The following ATP13A5 variants were observed in gnomAD, a reference collection of about 807,000 sequenced individuals.
The protein encoded by ATP13A5 is probable cation-transporting ATPase 13A5.
ATP13A5 carries 149 observed loss-of-function variants against 150.2 expected under a neutral mutation model. The ratio of observed to expected loss-of-function variants is 0.99; its 90% CI spans 0.87 to 1.14. The LOEUF (loss-of-function observed/expected upper bound fraction) is 1.14, where lower values mean the gene tolerates loss of function less well. ATP13A5 is among the 50% of genes most tolerant of loss of function. The probability of loss-of-function intolerance (pLI) is 0.00; values close to 1 mark genes in which losing one functional copy is unlikely to be tolerated. For missense variants in ATP13A5, 1,383 were observed against 1,449.3 expected (o/e 0.95, Z 0.74); for synonymous variants, 497 against 522.2 (o/e 0.95, Z 0.66).
At chr3:193,352,814 T>C (rs1712616611) in intron 6 of ATP13A5, among the ~76,000 whole-genome samples, 1 of 152,178 alleles carries the variant, frequency 6.6e-6, no homozygotes, top group Non-Finnish European at 1.5e-5. Flanking sequence ...TAAAAAGATA[T>C]GTCCATGTTC....
In ATP13A5 at chr3:193,363,097, C is replaced by T. The variant is rs999192263; in HGVS notation, c.384+139G>A. The T allele has an allele frequency of 4.1e-5, 44 of 1,086,000 alleles. 1 individual carries two copies. Among genetic ancestry groups the T allele is most frequent in the Non-Finnish European group, 5.6e-5 (43 of 774,300 alleles). 67.3% of individuals were successfully genotyped at this position (1,086,000 alleles called of 1,614,324 possible). A position where few individuals can be genotyped will look rare whatever the true frequency, so the allele number is the denominator to read the frequency against. ...GGATTACAGACGTGAACGACCATGCCCAGCCAGTCTCACTTTCTTTGATAC... is the reference window on the plus strand; with the variant it reads ...GGATTACAGACGTGAACGACCATGCTCAGCCAGTCTCACTTTCTTTGATAC... On this transcript the variant is annotated intron_variant, in intron 3 of 29. Transcript: ENST00000342358.
intron 6 of ATP13A5, among the ~76,000 whole-genome samples, chr3:193,352,692 A>T (rs1031303713): frequency 6.6e-6 from 1 of 152,202 alleles, no homozygotes; most frequent in African/African-American, 2.4e-5. Context: ...AAATCTTTGT[A>T]TGTTCCACCC....
At chr3:193,333,106 CCCA>C (rs1451236558) in intron 11 of ATP13A5, among the ~76,000 whole-genome samples, 5 of 151,698 alleles carry the variant, frequency 3.3e-5, no homozygotes, top group Non-Finnish European at 4.4e-5. Context: ...TATGTCTTTT[CCCA>C]CCAATATTCA....
intron 17 of ATP13A5, among the ~76,000 whole-genome samples, chr3:193,318,244 A>T (rs1719125628): frequency 6.6e-6 from 1 of 152,222 alleles, no homozygotes; most frequent in Non-Finnish European, 1.5e-5. Flanking sequence ...ACTATTTTAC[A>T]TGAAGGAGCT....
At chr3:193,327,269 G>A (rs1015861312) in intron 12 of ATP13A5, among the ~76,000 whole-genome samples, 5 of 152,132 alleles carry the variant, frequency 3.3e-5, no homozygotes, top group African/African-American at 1.2e-4. Flanking sequence ...TCGATAATTA[G>A]GTGATTTCAG....
chr3:193,284,213 C>T (rs1717623655), intron 27 of ATP13A5, among the ~76,000 whole-genome samples: 1 of 151,672 alleles, frequency 6.6e-6, no homozygotes. Flanking sequence ...TTTTTAGAGA[C>T]AAGGTCTCAC....
chr3:193,306,183 A>G (rs28530690), intron 22 of ATP13A5, among the ~76,000 whole-genome samples: 53,058 of 148,710 alleles, frequency 0.36, 9,838 homozygotes, highest in East Asian at 0.61. Flanking sequence ...CGCCATGAGT[A>G]CATACTAGAT....
At chr3:193,347,086 A>G (rs979525806) in intron 7 of ATP13A5, among the ~76,000 whole-genome samples, 1 of 152,200 alleles carries the variant, frequency 6.6e-6, no homozygotes, top group Non-Finnish European at 1.5e-5. Flanking sequence ...CTTTCAAGTT[A>G]TACCTTCAAG....
intron 9 of ATP13A5, among the ~76,000 whole-genome samples, chr3:193,342,501 T>C (rs1435023588): frequency 6.6e-6 from 1 of 152,232 alleles, no homozygotes; most frequent in Non-Finnish European, 1.5e-5. Flanking sequence ...CTGGCCTCTA[T>C]CGGTACTTAA....
intron 7 of ATP13A5, among the ~76,000 whole-genome samples, chr3:193,348,496 A>C (rs372309743): frequency 4.6e-5 from 7 of 152,296 alleles, no homozygotes; most frequent in African/African-American, 1.7e-4. Flanking sequence ...AGTTCAATGC[A>C]AATACAGTTG....
At chr3:193,297,817 G>T (rs1261076612) in intron 25 of ATP13A5, among the ~76,000 whole-genome samples, 3 of 152,080 alleles carry the variant, frequency 2.0e-5, no homozygotes, top group Admixed American at 1.3e-4. Flanking sequence ...AATTAAGTGT[G>T]CAAAAGCTCC....
chr3:193,367,995 G>T (rs1322509959), intron 1 of ATP13A5, among the ~76,000 whole-genome samples: 1 of 150,912 alleles, frequency 6.6e-6, no homozygotes, highest in Non-Finnish European at 1.5e-5. Context: ...GGAAAGGGAA[G>T]GGGAGGGGAG....
At chr3:193,325,108 G>T in intron 13 of ATP13A5, 94 bp from the exon 14 acceptor site, 2 of 1,283,676 alleles carry the variant, frequency 1.6e-6, no homozygotes, top group Non-Finnish European at 2.2e-6. Flanking sequence ...AACACCTAAC[G>T]TTCATGCTCA....
rs869060534 is a variant in ATP13A5, at chr3:193,352,493, G to GT, written c.607-1293dup. ...AAATGTAGAGAAATAGTTGTACTTG[G>GT]TTTTTTTTTTCTTTCTACTAAAGGG... On this transcript the variant is annotated intron_variant, in intron 6 of 29. Transcript: ENST00000342358. 1.8e-3 allele frequency among the ~76,000 whole-genome samples: 69 copies of GT among 38,288 alleles called. No homozygotes were observed. In the East Asian group the frequency reaches 0.022, roughly 12 times the overall value. The allele number at this position is 38,288 out of a possible 152,430, so 25.1% of individuals were successfully genotyped here.
chr3:193,303,043 G>T (rs1718465733), intron 23 of ATP13A5, among the ~76,000 whole-genome samples: 1 of 152,190 alleles, frequency 6.6e-6, no homozygotes, highest in Non-Finnish European at 1.5e-5. Context: ...AAGTTCGAAT[G>T]CCACTGCATG....
intron 7 of ATP13A5, among the ~76,000 whole-genome samples, chr3:193,346,040 C>T (rs1388834153): frequency 6.6e-6 from 1 of 152,118 alleles, no homozygotes; most frequent in Non-Finnish European, 1.5e-5. Flanking sequence ...GGGAGTTATG[C>T]TGTTAAGTCG....
In ATP13A5 at chr3:193,310,747, G is replaced by T. The variant is rs772903218; in HGVS notation, c.2446-30C>A. ...AAAGAAAAAACAACCATTGCAATAT[G>T]ATTGGGAAGAAGAAAACTTTTAAAA... is the stretch of plus-strand genomic sequence containing the variant. On this transcript the variant is annotated intron_variant, in intron 20 of 29. Coordinates refer to ENST00000342358, the MANE Select transcript of ATP13A5 (RefSeq NM_198505.4). 3.9e-6 allele frequency: 6 copies of T among 1,539,426 alleles called. No homozygotes were observed. In the Middle Eastern group the frequency reaches 5.2e-4, roughly 133 times the overall value.
rs1042498911 is a variant in ATP13A5 at position 193,368,056 on chromosome 3, G to A, written c.64-3776C>T. Reference sequence around the variant, plus strand: ...ATTGAAAACAAGAACTAAACTCTATGTGTAGATAATGTGGAAAAATATCCA... The same window carrying A: ...ATTGAAAACAAGAACTAAACTCTATATGTAGATAATGTGGAAAAATATCCA... On this transcript the variant is annotated intron_variant, in intron 1 of 29. Coordinates refer to ENST00000342358, the MANE Select transcript of ATP13A5 (RefSeq NM_198505.4). 2.0e-5 allele frequency among the ~76,000 whole-genome samples: 3 copies of A among 152,002 alleles called. No homozygotes were observed. The East Asian group carries it at 5.8e-4, about 29-fold the overall frequency.
At chr3:193,309,657 G>C (rs919335901) in intron 21 of ATP13A5, among the ~76,000 whole-genome samples, 2 of 152,088 alleles carry the variant, frequency 1.3e-5, no homozygotes, top group Non-Finnish European at 2.9e-5. Context: ...TTGCTTGCTT[G>C]CTCTTTTAGA....
Sources: gnomAD v4.1 joint callset for allele counts (sites outside exome capture counted in the v4.1 genomes callset) on GRCh38, gnomAD v4.1.1 for gene constraint, MANE v1.5 for transcripts, NCBI Gene and HGNC (gene_info 2026-07-23, HGNC 2026-07-21) for gene names.